Variants in ARID2 observed in about 807,000 individuals in gnomAD.
The protein encoded by ARID2 is AT-rich interaction domain 2, also known as AT-rich interactive domain-containing protein 2.
A neutral mutation model predicts 184.6 loss-of-function variants in ARID2; 32 were observed. The ratio of observed to expected loss-of-function variants is 0.17; its 90% CI spans 0.13 to 0.23. ARID2 has a LOEUF of 0.23. Ranked by LOEUF, ARID2 falls within the 10% of genes least tolerant of loss-of-function variation. The pLI, the probability that ARID2 is intolerant of heterozygous loss-of-function variation, is 1.00. For missense variants in ARID2, 1,696 were observed against 2,197.6 expected (o/e 0.77, Z 4.56); for synonymous variants, 836 against 772.6 (o/e 1.08, Z -1.36).
intron 16 of ARID2, among the ~76,000 whole-genome samples, chr12:45,867,830 A>G (rs902350795): frequency 8.6e-5 from 13 of 151,722 alleles, no homozygotes; most frequent in African/African-American, 2.4e-4. Flanking sequence ...GTCTCAAGCA[A>G]TTCTCCCACC....
intron 3 of ARID2, among the ~76,000 whole-genome samples, chr12:45,795,780 CTTT>C (rs1244100701): frequency 1.3e-5 from 2 of 151,938 alleles, no homozygotes; most frequent in Non-Finnish European, 2.9e-5. Flanking sequence ...TTCTTCTCTT[CTTT>C]ATTTTCTTTT....
At chr12:45,778,204 CA>C (rs564228705) in intron 3 of ARID2, among the ~76,000 whole-genome samples, 11 of 144,868 alleles carry the variant, frequency 7.6e-5, no homozygotes, top group Non-Finnish European at 7.6e-5. Flanking sequence ...GAGACTTCTC[CA>C]AAAAAAAAAG....
chr12:45,869,987 T>A (rs1033369954), intron 16 of ARID2, among the ~76,000 whole-genome samples: 2 of 151,860 alleles, frequency 1.3e-5, no homozygotes, highest in Admixed American at 6.6e-5. Flanking sequence ...TAATAAACCA[T>A]TTTTTTTGTT....
chr12:45,753,455 A>T (rs1941506285), intron 3 of ARID2, among the ~76,000 whole-genome samples: 1 of 152,164 alleles, frequency 6.6e-6, no homozygotes, highest in South Asian at 2.1e-4. Flanking sequence ...CACCTGTAAA[A>T]AGTAGATAAT....
At chr12:45,858,608 T>G (rs1284177223) in intron 15 of ARID2, among the ~76,000 whole-genome samples, 2 of 152,238 alleles carry the variant, frequency 1.3e-5, no homozygotes, top group Non-Finnish European at 2.9e-5. Flanking sequence ...TGCCATTTAT[T>G]GAGACTCTTG....
In ARID2 at chr12:45,905,022, C is replaced by G; in HGVS notation, c.5452C>G (p.Leu1818Val). The change falls in exon 21 of 21, where the codon CTT becomes GTT. Residue 1818 changes from leucine (L) to valine (V), a missense_variant. Transcript: ENST00000334344. ...SSTLAKCLYELNFTVQSKEQE... is the reference protein window; with the variant it reads ...SSTLAKCLYEVNFTVQSKEQE... Reference sequence around the variant, plus strand: ...CACCCTTGCCAAATGCCTTTATGAACTTAATTTTACAGTTCAGAGTAAGGA... The same window carrying G: ...CACCCTTGCCAAATGCCTTTATGAAGTTAATTTTACAGTTCAGAGTAAGGA... 6.2e-7 allele frequency: 1 copy of G among 1,613,912 alleles called. No individual in the cohort carries two copies. Among genetic ancestry groups the G allele is most frequent in the Non-Finnish European group, 8.5e-7 (1 of 1,179,954 alleles).
In ARID2 at chr12:45,850,293, C is replaced by T. The variant is rs748108135; in HGVS notation, c.2170C>T (p.Pro724Ser). The change falls in exon 15 of 21, where the codon CCC (proline) becomes TCC (serine). Residue 724 changes from proline (P) to serine (S), a missense_variant. Pro to Ser is a moderately conservative substitution (Grantham distance 74). Coordinates refer to ENST00000334344, the MANE Select transcript of ARID2 (RefSeq NM_152641.4). ...VKATVIQNSI[P>S]QTGVPVSIAV... ...GGCTACAGTTATCCAGAATTCCATA[C>T]CCCAGACAGGAGTTCCTGTTAGTAT... The T allele has an allele frequency of 1.9e-6, 3 of 1,614,100 alleles. No individual in the cohort carries two copies. Among genetic ancestry groups the T allele is most frequent in the Non-Finnish European group, 2.5e-6 (3 of 1,179,994 alleles).
At chr12:45,816,069 C>T (rs376296817) in intron 4 of ARID2, among the ~76,000 whole-genome samples, 1 of 152,060 alleles carries the variant, frequency 6.6e-6, no homozygotes, top group South Asian at 2.1e-4. Context: ...GACATAGTTG[C>T]CAAGGTCTAA....
intron 20 of ARID2, among the ~76,000 whole-genome samples, chr12:45,899,591 G>A (rs1489454998): frequency 6.7e-6 from 1 of 148,350 alleles, no homozygotes; most frequent in Admixed American, 6.7e-5. Flanking sequence ...GGGCGACAGA[G>A]CGAGATTCCA....
intron 4 of ARID2, among the ~76,000 whole-genome samples, chr12:45,817,417 G>A (rs1392622378): frequency 1.3e-5 from 2 of 151,466 alleles, no homozygotes; most frequent in Non-Finnish European, 2.9e-5. Context: ...TGGCAATGAT[G>A]GCCAAATGGT....
chr12:45,811,285 A>G (rs1392770731), intron 3 of ARID2, 133 bp from the exon 4 acceptor site: 1 of 942,520 alleles, frequency 1.1e-6, no homozygotes, highest in Non-Finnish European at 1.5e-6. Flanking sequence ...CTGTTCTAAT[A>G]TAAGAGGTTT....
At chr12:45,736,738 A>G (rs1322839820) in intron 3 of ARID2, among the ~76,000 whole-genome samples, 1 of 152,232 alleles carries the variant, frequency 6.6e-6, no homozygotes, top group Non-Finnish European at 1.5e-5. Context: ...AAATGTTAAT[A>G]TATTTCCATG....
In ARID2 at chr12:45,867,742, C is replaced by CA. The variant is rs1025705649; in HGVS notation, c.4922+6807dup. On this transcript the variant is annotated intron_variant, in intron 16 of 20. Transcript: ENST00000334344. ...AGGGCAACAGAACGAGACTCCATCTCAAAAAAAAAAAAAAGAAAAAAAAAC... is the reference window on the plus strand; with the variant it reads ...AGGGCAACAGAACGAGACTCCATCTCAAAAAAAAAAAAAAAGAAAAAAAAAC... 9.0e-3 allele frequency among the ~76,000 whole-genome samples: 857 copies of CA among 95,498 alleles called. 4 individuals are homozygous for CA. Among genetic ancestry groups the CA allele is most frequent in the African/African-American group, 0.026 (678 of 26,170 alleles). The allele number at this position is 95,498 out of a possible 152,430, so 62.7% of individuals were successfully genotyped here.
chr12:45,868,431 ACT>A (rs1458101364), intron 16 of ARID2, among the ~76,000 whole-genome samples: 2 of 152,126 alleles, frequency 1.3e-5, no homozygotes, highest in Admixed American at 6.5e-5. Flanking sequence ...ACAAAGCGAG[ACT>A]CTGTCTCAAA....
intron 3 of ARID2, among the ~76,000 whole-genome samples, chr12:45,783,466 A>G (rs1461730538): frequency 1.3e-5 from 2 of 152,230 alleles, no homozygotes; most frequent in Non-Finnish European, 2.9e-5. Context: ...TCAATGGTGA[A>G]ATGTTAGAGC....
At chr12:45,892,139 A>G in intron 18 of ARID2, 43 bp downstream of exon 18, 1 of 1,563,598 alleles carries the variant, frequency 6.4e-7, no homozygotes, top group Non-Finnish European at 8.7e-7. Flanking sequence ...TACAAAAAGA[A>G]ACTAGGCAAA....
At chr12:45,880,553 G>T (rs1292226822) in intron 16 of ARID2, among the ~76,000 whole-genome samples, 2 of 152,066 alleles carry the variant, frequency 1.3e-5, no homozygotes, top group Non-Finnish European at 2.9e-5. Flanking sequence ...GGTGACCCAG[G>T]CAATTTTATT....
At chr12:45,791,751 G>A (rs1017315356) in intron 3 of ARID2, among the ~76,000 whole-genome samples, 1 of 152,082 alleles carries the variant, frequency 6.6e-6, no homozygotes, top group Non-Finnish European at 1.5e-5. Context: ...GTGCATCACT[G>A]TGCCCGGCCC....
At chr12:45,871,761 G>GT (rs1357731513) in intron 16 of ARID2, among the ~76,000 whole-genome samples, 3 of 152,112 alleles carry the variant, frequency 2.0e-5, no homozygotes, top group Non-Finnish European at 4.4e-5. Flanking sequence ...TGTTTTGAAG[G>GT]TTATTAATTA....
Sources: allele counts gnomAD v4.1 joint callset (sites outside exome capture counted in the v4.1 genomes callset), GRCh38; gene constraint gnomAD v4.1.1; transcripts MANE v1.5; gene names NCBI Gene and HGNC (gene_info 2026-07-23, HGNC 2026-07-21).